Variants in SEMA3A observed in about 807,000 individuals in gnomAD.
SEMA3A encodes the protein semaphorin-3A.
SEMA3A carries 29 observed loss-of-function variants against 97.9 expected under a neutral mutation model. The ratio of observed to expected loss-of-function variants is 0.30; its 90% confidence interval spans 0.22 to 0.40. The LOEUF (loss-of-function observed/expected upper bound fraction) is 0.40, where lower values mean the gene tolerates loss of function less well. Among genes scored for constraint, SEMA3A ranks in the 10% least tolerant of loss-of-function variants. SEMA3A has a pLI of 1.00. For synonymous variants in SEMA3A, 321 were observed against 323.7 expected, an observed-to-expected ratio of 0.99 and a Z score of 0.09; for missense variants, 763 against 951.3, an observed-to-expected ratio of 0.80 and a Z score of 2.60.
chr7:84,116,337 C>T (rs1795429879), intron 3 of SEMA3A, among the ~76,000 whole-genome samples: 1 of 152,060 alleles, frequency 6.6e-6, no homozygotes, highest in African/African-American at 2.4e-5. Context: ...TACTCTTTTC[C>T]TTTTCTTTCT....
intron 1 of SEMA3A, among the ~76,000 whole-genome samples, chr7:84,387,989 A>G (rs1803442680): frequency 6.6e-6 from 1 of 151,468 alleles, no homozygotes; most frequent in Admixed American, 6.6e-5. Context: ...ACCTATTCAG[A>G]TGAAACATTC....
At chr7:84,446,266 C>A (rs1013539891) in intron 1 of SEMA3A, among the ~76,000 whole-genome samples, 3 of 152,032 alleles carry the variant, frequency 2.0e-5, no homozygotes, top group African/African-American at 7.2e-5. Flanking sequence ...TGAATTCTAC[C>A]AAATATTTAA....
chr7:84,391,515 A>G (rs558615899), intron 1 of SEMA3A, among the ~76,000 whole-genome samples: 5 of 152,218 alleles, frequency 3.3e-5, no homozygotes, highest in Non-Finnish European at 5.9e-5. Flanking sequence ...ATAGAAGTAA[A>G]TATTTTGGAA....
intron 2 of SEMA3A, among the ~76,000 whole-genome samples, chr7:84,363,572 T>G (rs2116074274): frequency 6.6e-6 from 1 of 152,048 alleles, no homozygotes; most frequent in East Asian, 1.9e-4. Flanking sequence ...TGCCTTCAAT[T>G]TTATAACACA....
chr7:84,137,669 G>T (rs1584022684), intron 1 of SEMA3A, among the ~76,000 whole-genome samples: 2 of 122,294 alleles, frequency 1.6e-5, no homozygotes, highest in East Asian at 2.8e-4. Flanking sequence ...TTCTACCTTA[G>T]TTTCAGAGAG....
intron 3 of SEMA3A, among the ~76,000 whole-genome samples, chr7:84,265,560 A>T (rs1176923599): frequency 6.8e-6 from 1 of 148,024 alleles, no homozygotes; most frequent in Non-Finnish European, 1.5e-5. Flanking sequence ...TATATGTATT[A>T]TATATATATT....
intron 1 of SEMA3A, among the ~76,000 whole-genome samples, chr7:84,459,616 C>T (rs1805772554): frequency 6.6e-6 from 1 of 152,104 alleles, no homozygotes; most frequent in Admixed American, 6.5e-5. Flanking sequence ...TAAAGATTTC[C>T]TTGACAGCCT....
At chr7:84,125,938 A>G (rs1795780098) in intron 3 of SEMA3A, among the ~76,000 whole-genome samples, 1 of 152,200 alleles carries the variant, frequency 6.6e-6, no homozygotes, top group African/African-American at 2.4e-5. Context: ...TAAGATAACT[A>G]GATAAGCATG....
intron 15 of SEMA3A, among the ~76,000 whole-genome samples, chr7:83,965,643 TA>T (rs2116263913): frequency 1.1e-4 from 1 of 9,274 alleles, no homozygotes; most frequent in Non-Finnish European, 2.2e-4. Context: ...TATATATATA[TA>T]TATATATATA....
At chr7:84,440,473 T>C (rs947468063) in intron 1 of SEMA3A, among the ~76,000 whole-genome samples, 1 of 152,146 alleles carries the variant, frequency 6.6e-6, no homozygotes, top group Non-Finnish European at 1.5e-5. Context: ...ACAGACATTG[T>C]TGTGAGCTCT....
intron 1 of SEMA3A, among the ~76,000 whole-genome samples, chr7:84,467,680 CATT>C (rs537227896): frequency 6.6e-4 from 100 of 152,146 alleles, no homozygotes; most frequent in African/African-American, 2.1e-3. Context: ...ATCCCAACAT[CATT>C]AACTTTCTGA....
chr7:84,302,083 C>T (rs1031167977), intron 3 of SEMA3A, among the ~76,000 whole-genome samples: 2 of 152,000 alleles, frequency 1.3e-5, no homozygotes, highest in African/African-American at 4.8e-5. Context: ...AATATCCATT[C>T]AATGGACTAC....
intron 6 of SEMA3A, among the ~76,000 whole-genome samples, chr7:84,038,695 T>C (rs751477106): frequency 2.0e-5 from 3 of 152,094 alleles, no homozygotes; most frequent in Non-Finnish European, 2.9e-5. Flanking sequence ...GAGTCATAAG[T>C]GCAGTTAATG....
chr7:84,007,253 A>G, intron 10 of SEMA3A, 100 bp downstream of exon 10: 5 of 906,938 alleles, frequency 5.5e-6, no homozygotes, highest in African/African-American at 1.7e-5. Flanking sequence ...TCTTTTTTCT[A>G]CATTACAGGA....
intron 4 of SEMA3A, among the ~76,000 whole-genome samples, chr7:84,092,043 C>T (rs896769467): frequency 3.3e-5 from 5 of 152,124 alleles, no homozygotes; most frequent in Non-Finnish European, 7.4e-5. Flanking sequence ...TATCAGAATA[C>T]TCTTGAGTAT....
At chr7:84,203,526 A>ATATATATATATATATTTT (rs372380784) in intron 3 of SEMA3A, among the ~76,000 whole-genome samples, 4 of 25,672 alleles carry the variant, frequency 1.6e-4, no homozygotes, top group East Asian at 1.5e-3. Context: ...ATATATATAT[A>ATATATATATATATATTTT]TTTTTTTTTT....
chr7:84,430,789 T>TTGTGTGTGTGTG lies in SEMA3A; in HGVS notation c.-245-58901_-245-58890dup, dbSNP rs56814153. On this transcript the variant is annotated intron_variant, in intron 1 of 3. Coordinates refer to the SEMA3A transcript ENST00000424555. Reference sequence around the variant, plus strand: ...CTTCTATACCTACACAACATAAAATTTGTGTGTGTGTGTGTGTGTGTGTGT... The same window carrying TTGTGTGTGTGTG: ...CTTCTATACCTACACAACATAAAATTTGTGTGTGTGTGTGTGTGTGTGTGTGTGTGTGTGTGT... 1.1e-3 allele frequency among the ~76,000 whole-genome samples: 160 copies of TTGTGTGTGTGTG among 143,422 alleles called. 1 individual carries two copies. Among genetic ancestry groups the TTGTGTGTGTGTG allele is most frequent in the Admixed American group, 3.9e-3 (57 of 14,434 alleles). The allele number at this position is 143,422 out of a possible 152,430, so 94.1% of individuals were successfully genotyped here.
At chr7:84,354,727 T>A (rs759590422) in intron 2 of SEMA3A, among the ~76,000 whole-genome samples, 1 of 151,658 alleles carries the variant, frequency 6.6e-6, no homozygotes, top group Non-Finnish European at 1.5e-5. Flanking sequence ...AAGAAGAATT[T>A]AATGCTTTTT....
At position 84,017,344 on chromosome 7, in the gene SEMA3A, T is replaced by G. The variant is rs140866779; in HGVS notation, c.668-2993A>C. Among the ~76,000 whole-genome samples, 414 of 152,306 alleles carry G rather than the reference T, an allele frequency of 2.7e-3. 2 individuals are homozygous for G. The highest frequency in any genetic ancestry group is 9.2e-3 in the African/African-American group (381 of 41,550). ...TTGCTGAAAGGACCTTCAATCTTAGTGTCTTCTTCAATATATGATAACTAC... is the reference window on the plus strand; with the variant it reads ...TTGCTGAAAGGACCTTCAATCTTAGGGTCTTCTTCAATATATGATAACTAC... On this transcript the variant is annotated intron_variant, in intron 6 of 16. Coordinates refer to ENST00000265362, the MANE Select transcript of SEMA3A (RefSeq NM_006080.3).
Sources: allele counts gnomAD v4.1 joint callset (sites outside exome capture counted in the v4.1 genomes callset), GRCh38; gene constraint gnomAD v4.1.1; transcripts MANE v1.5; gene names NCBI Gene and HGNC (gene_info 2026-07-23, HGNC 2026-07-21).